Variants in LRP1B observed in about 807,000 individuals in gnomAD.
LRP1B encodes the protein low-density lipoprotein receptor-related protein 1B.
LRP1B carries 217 observed loss-of-function variants against 556.6 expected under a neutral mutation model. The ratio of observed to expected loss-of-function variants is 0.39; its 90% CI spans 0.35 to 0.44. The LOEUF (loss-of-function observed/expected upper bound fraction) is 0.44. Ranked by LOEUF, LRP1B falls within the 20% of genes least tolerant of loss-of-function variation. The pLI is 1.00. For missense variants in LRP1B, 5,053 were observed against 5,620.8 expected (o/e 0.90, Z 3.23); for synonymous variants, 2,047 against 1,865.8 (o/e 1.10, Z -2.50).
intron 15 of LRP1B, among the ~76,000 whole-genome samples, chr2:140,998,873 GT>G (rs1462033191): frequency 3.9e-5 from 6 of 152,054 alleles, no homozygotes; most frequent in African/African-American, 1.4e-4. Context: ...TGTTTTGCTT[GT>G]TTGACTCAGA....
chr2:141,681,247 C>T lies in LRP1B; in HGVS notation c.205+129032G>A, dbSNP rs573876944. Among the ~76,000 whole-genome samples the T allele has an allele frequency of 2.1e-3, 322 of 152,084 alleles. 2 individuals are homozygous for T. Among genetic ancestry groups the T allele is most frequent in the African/African-American group, 6.7e-3 (277 of 41,490 alleles). Reference sequence around the variant, plus strand: ...GGTTGAGGCTGCTGTGAGCCATGATCGCACTACTGCACTCCAGCCTGGGTG... The same window carrying T: ...GGTTGAGGCTGCTGTGAGCCATGATTGCACTACTGCACTCCAGCCTGGGTG... On this transcript the variant is annotated intron_variant, in intron 2 of 90. Coordinates refer to ENST00000389484, the MANE Select transcript of LRP1B (RefSeq NM_018557.3).
chr2:140,304,279 G>A (rs1471068697), intron 83 of LRP1B, among the ~76,000 whole-genome samples: 1 of 152,118 alleles, frequency 6.6e-6, no homozygotes, highest in Non-Finnish European at 1.5e-5. Context: ...AACTGGTTCA[G>A]TGTAAAAGTG....
intron 1 of LRP1B, among the ~76,000 whole-genome samples, chr2:142,021,082 C>G (rs78227842): frequency 6.6e-6 from 1 of 152,126 alleles, no homozygotes; most frequent in South Asian, 2.1e-4. Flanking sequence ...GTAAAACAAA[C>G]TTCTGACAAT....
chr2:141,924,016 G>A lies in LRP1B; in HGVS notation c.83-113615C>T, dbSNP rs191599823. Among the ~76,000 whole-genome samples, 801 of 152,092 alleles carry A rather than the reference G, an allele frequency of 5.3e-3. 10 individuals are homozygous for A. The highest frequency in any genetic ancestry group is 0.021 in the South Asian group (99 of 4,810). ...ACAGGGAAATACTGGGTAGAAGAGG[G>A]CAGTTCCCGTGCAAAGGCTCCAATC... is the stretch of plus-strand genomic sequence containing the variant. On this transcript the variant is annotated intron_variant, in intron 1 of 90. Coordinates refer to ENST00000389484, the MANE Select transcript of LRP1B (RefSeq NM_018557.3).
chr2:141,369,164 C>T (rs1689143519), intron 3 of LRP1B, among the ~76,000 whole-genome samples: 1 of 152,030 alleles, frequency 6.6e-6, no homozygotes, highest in African/African-American at 2.4e-5. Context: ...TTAAAAAGCC[C>T]ATCTAAATAG....
chr2:141,412,353 C>G (rs748133491), intron 3 of LRP1B, among the ~76,000 whole-genome samples: 2 of 152,140 alleles, frequency 1.3e-5, no homozygotes, highest in Admixed American at 6.5e-5. Flanking sequence ...CTTTTCCCAC[C>G]TGCAGTTTCT....
chr2:141,261,145 A>G (rs1558966717), intron 3 of LRP1B, among the ~76,000 whole-genome samples: 1 of 151,986 alleles, frequency 6.6e-6, no homozygotes. Flanking sequence ...TCATCCTCTT[A>G]CCCCTGTTTC....
intron 23 of LRP1B, among the ~76,000 whole-genome samples, chr2:140,900,396 T>A (rs551889576): frequency 4.7e-4 from 71 of 152,356 alleles, no homozygotes; most frequent in African/African-American, 1.7e-3. Context: ...GAAATGACTA[T>A]TACCATTACA....
intron 3 of LRP1B, among the ~76,000 whole-genome samples, chr2:141,329,663 A>AAC (rs796236147): frequency 0.11 from 14,599 of 137,076 alleles, 988 homozygotes; most frequent in Admixed American, 0.15. Context: ...AAAAAAAAAA[A>AAC]AACTATCTCT....
chr2:140,248,651 CAAAT>C (rs778593468), intron 86 of LRP1B, among the ~76,000 whole-genome samples: 4 of 151,424 alleles, frequency 2.6e-5, no homozygotes, highest in South Asian at 2.1e-4. Context: ...AAGTGAACAA[CAAAT>C]AAAATCATTG....
At chr2:140,930,250 T>A (rs1027224116) in intron 20 of LRP1B, among the ~76,000 whole-genome samples, 4 of 152,098 alleles carry the variant, frequency 2.6e-5, no homozygotes, top group African/African-American at 9.7e-5. Flanking sequence ...CAGTTATATT[T>A]TTAACTAATA....
chr2:140,993,517 A>C (rs1697150807), intron 16 of LRP1B, among the ~76,000 whole-genome samples: 1 of 152,054 alleles, frequency 6.6e-6, no homozygotes, highest in African/African-American at 2.4e-5. Context: ...CCATGTCCTG[A>C]GACAGTGAAG....
intron 86 of LRP1B, among the ~76,000 whole-genome samples, chr2:140,258,395 T>C (rs1353441768): frequency 6.6e-6 from 1 of 152,096 alleles, no homozygotes; most frequent in Non-Finnish European, 1.5e-5. Context: ...ACACCCTAAA[T>C]AGAACTTGAG....
chr2:142,064,366 C>T (rs1414225085), intron 1 of LRP1B, among the ~76,000 whole-genome samples: 2 of 151,544 alleles, frequency 1.3e-5, no homozygotes, highest in Non-Finnish European at 3.0e-5. Context: ...TGACTGGCAA[C>T]ACTGTGGTTG....
At chr2:140,964,081 T>C (rs1022581390) in intron 18 of LRP1B, among the ~76,000 whole-genome samples, 2 of 148,812 alleles carry the variant, frequency 1.3e-5, no homozygotes, top group East Asian at 2.1e-4. Flanking sequence ...CCTCCAATGA[T>C]AGGTAAGGTC....
At chr2:140,874,097 A>G (rs144857366) in intron 25 of LRP1B, among the ~76,000 whole-genome samples, 1 of 152,168 alleles carries the variant, frequency 6.6e-6, no homozygotes, top group Non-Finnish European at 1.5e-5. Context: ...GATCTGTGTA[A>G]GTCAAAATAA....
At chr2:141,166,569 A>G (rs1469292904) in intron 7 of LRP1B, among the ~76,000 whole-genome samples, 2 of 151,844 alleles carry the variant, frequency 1.3e-5, no homozygotes, top group Non-Finnish European at 1.5e-5. Context: ...TTTAAAATAT[A>G]CAATAAGTCA....
At chr2:140,640,286 G>A (rs1367000080) in intron 41 of LRP1B, among the ~76,000 whole-genome samples, 2 of 143,908 alleles carry the variant, frequency 1.4e-5, no homozygotes, top group East Asian at 2.2e-4. Context: ...CCATCGCGCC[G>A]GGCCTCAAAT....
At chr2:141,968,930 G>A (rs967739945) in intron 1 of LRP1B, among the ~76,000 whole-genome samples, 1 of 151,484 alleles carries the variant, frequency 6.6e-6, no homozygotes, top group African/African-American at 2.4e-5. Flanking sequence ...CACTCTTACA[G>A]AACTGTCATT....
Sources: allele counts gnomAD v4.1 joint callset (sites outside exome capture counted in the v4.1 genomes callset), GRCh38; gene constraint gnomAD v4.1.1; transcripts MANE v1.5; gene names NCBI Gene and HGNC (gene_info 2026-07-23, HGNC 2026-07-21).